SBSN: variants seen among roughly 807,000 people sequenced by gnomAD.
SBSN encodes the protein suprabasin.
A neutral mutation model predicts 42.8 loss-of-function variants in SBSN; 33 were observed. The ratio of observed to expected loss-of-function variants is 0.77; its 90% CI spans 0.58 to 1.03. The LOEUF is 1.03. Among genes scored for constraint, SBSN ranks in the 50% least tolerant of loss-of-function variants. SBSN has a pLI of 0.00. For missense variants in SBSN, 646 were observed against 757.3 expected, an observed-to-expected ratio of 0.85 and a Z score of 1.72; for synonymous variants, 276 against 307.0, an observed-to-expected ratio of 0.90 and a Z score of 1.06.
At chr19:35,523,574 C>T in intron 3 of SBSN, 41 bp from the exon 4 acceptor site, 2 of 1,609,090 alleles carry the variant, frequency 1.2e-6, no homozygotes, top group Non-Finnish European at 8.5e-7. Context: ...GTAGGGTCCA[C>T]AGTCATGACG....
Position 35,527,159 on chromosome 19 carries a change from C to T in SBSN, c.1123G>A (p.Gly375Arg), listed in dbSNP as rs1481510372. The part of the protein sequence containing the change: ...TEKLGHGVHH[G>R]VNEAWKEAEK... The stretch of plus-strand genomic sequence containing the variant: ...GCTTCCTTCCAGGCCTCATTAACCC[C>T]ATGGTGGACCCCATGGCCGAGCTTC... The change falls in exon 1 of 4, where the codon GGG becomes AGG. Residue 375 changes from glycine (G) to arginine (R), a missense_variant. Coordinates refer to ENST00000452271, the MANE Select transcript of SBSN (RefSeq NM_001166034.2). The T allele has an allele frequency of 6.5e-7, 1 of 1,536,338 alleles. No homozygotes were observed. Among genetic ancestry groups the T allele is most frequent in the African/African-American group, 1.4e-5 (1 of 72,936 alleles).
At chr19:35,524,680 G>C in intron 3 of SBSN, 31 bp downstream of exon 3, 1 of 1,612,874 alleles carries the variant, frequency 6.2e-7, no homozygotes, top group South Asian at 1.1e-5. Context: ...TCAGGACGCA[G>C]AGCAGAAAAG....
chr19:35,526,071 C>A (rs2071366617), intron 1 of SBSN, among the ~76,000 whole-genome samples: 1 of 152,202 alleles, frequency 6.6e-6, no homozygotes, highest in Non-Finnish European at 1.5e-5. Flanking sequence ...CCCTGGCCTG[C>A]CCTCTGCCAA....
intron 1 of SBSN, among the ~76,000 whole-genome samples, chr19:35,525,797 C>T (rs1374390491): frequency 6.6e-6 from 1 of 152,216 alleles, no homozygotes; most frequent in African/African-American, 2.4e-5. Context: ...ATTCTCCTGC[C>T]TCAGCCTTCT....
chr19:35,526,483 G>T (rs2071371304), intron 1 of SBSN, among the ~76,000 whole-genome samples, 161 bp downstream of exon 1: 1 of 152,160 alleles, frequency 6.6e-6, no homozygotes, highest in African/African-American at 2.4e-5. Context: ...CCTTTGTAAG[G>T]GAGATGGGGA....
Position 35,528,222 on chromosome 19 carries a change from A to T in SBSN, c.60T>A (p.Ser20=). 3 of 1,613,936 alleles carry T rather than the reference A, an allele frequency of 1.9e-6. No homozygotes were observed. Among genetic ancestry groups the T allele is most frequent in the East Asian group, 2.2e-5 (1 of 44,854 alleles). The change falls in exon 1 of 4, where the codon TCT becomes TCA. Residue 20 remains serine, a synonymous_variant. Coordinates refer to ENST00000452271, the MANE Select transcript of SBSN (RefSeq NM_001166034.2). The part of the protein sequence containing the change: ...CSLLLLLGAL[S]GWAASDDPIE... ...TGGGGTCATCGCTGGCCGCCCATCC[A>T]GACAGGGCCCCCAGTAGCAGAAGGA... is the stretch of plus-strand genomic sequence containing the variant.
At chr19:35,526,406 G>A (rs949244859) in intron 1 of SBSN, among the ~76,000 whole-genome samples, 6 of 152,066 alleles carry the variant, frequency 3.9e-5, no homozygotes, top group East Asian at 3.9e-4. Flanking sequence ...CAGGGTGCCC[G>A]CCACCCTGTC....
At chr19:35,525,692 A>T (rs1568672219) in intron 1 of SBSN, among the ~76,000 whole-genome samples, 2 of 151,152 alleles carry the variant, frequency 1.3e-5, no homozygotes, top group African/African-American at 4.9e-5. Flanking sequence ...TTTTATTATT[A>T]TTTTTTTTGA....
intron 1 of SBSN, among the ~76,000 whole-genome samples, chr19:35,526,419 A>T (rs2071370616): frequency 6.6e-6 from 1 of 152,084 alleles, no homozygotes. Context: ...ACCCTGTCTG[A>T]TACGTGCTTT....
chr19:35,525,481 G>A lies in SBSN; in HGVS notation c.1639-557C>T, dbSNP rs573814990. Among the ~76,000 whole-genome samples, 9 of 122,276 alleles carry A rather than the reference G, an allele frequency of 7.4e-5. No homozygotes were observed. In the South Asian group the frequency reaches 2.3e-3, roughly 32 times the overall value. 80.2% of individuals were successfully genotyped at this position (122,276 alleles called of 152,430 possible). ...TCCCCACCCACCCATCCCTGGCTCT[G>A]TCTGGCGGCAGATGTGGCTCTGGAC... On this transcript the variant is annotated intron_variant, in intron 1 of 3. Coordinates refer to ENST00000452271, the MANE Select transcript of SBSN (RefSeq NM_001166034.2).
Position 35,527,439 on chromosome 19 carries a change from C to T in SBSN, c.843G>A (p.Gly281=), listed in dbSNP as rs772778449. The T allele has an allele frequency of 6.3e-7, 1 of 1,583,322 alleles. No individual in the cohort carries two copies. Among genetic ancestry groups the T allele is most frequent in the East Asian group, 2.3e-5 (1 of 43,550 alleles). The change falls in exon 1 of 4, where the codon GGG becomes GGA. Residue 281 remains glycine (G), a synonymous_variant. Transcript: ENST00000452271. ...GWKETEKFGQ[G]VHHTAGQVGK... ...CAACCTGACCAGCAGTATGGTGGAC[C>T]CCCTGGCCAAACTTCTCTGTCTCCT...
chr19:35,525,861 T>A (rs1440969917), intron 1 of SBSN, among the ~76,000 whole-genome samples: 1 of 152,156 alleles, frequency 6.6e-6, no homozygotes, highest in Non-Finnish European at 1.5e-5. Context: ...TTTTGTATTT[T>A]TAGTAGAGAT....
intron 3 of SBSN, 88 bp downstream of exon 3, chr19:35,524,613 CCCGCCCGGGG>C: frequency 7.5e-7 from 1 of 1,342,050 alleles, no homozygotes; most frequent in Non-Finnish European, 1.1e-6. Context: ...TGCAGGTCTG[CCCGCCCGGGG>C]AGCTGTCCAA....
Position 35,526,921 on chromosome 19 carries a change from T to C in SBSN, c.1361A>G (p.Glu454Gly). ...VQPGVHEAGKEAGQFGQGVHH... is the reference protein window; with the variant it reads ...VQPGVHEAGKGAGQFGQGVHH... ...AACTCCCTGGCCAAACTGCCCTGCC[T>C]CCTTCCCGGCCTCGTGGACCCCAGG... Residue 454 changes from glutamate (E) to glycine (G), a missense_variant, in exon 1 of 4, where the codon GAG becomes GGG. Physicochemically the swap from Glu to Gly is moderately conservative, Grantham distance 98. Coordinates refer to ENST00000452271, the MANE Select transcript of SBSN (RefSeq NM_001166034.2). The C allele has an allele frequency of 6.2e-7, 1 of 1,604,384 alleles. No homozygotes were observed.
At position 35,527,197 on chromosome 19, in the gene SBSN, C is replaced by T. The variant is rs906540420; in HGVS notation, c.1085G>A (p.Gly362Glu). Reference protein sequence around the residue: ...QGVHHAASQFGKETEKLGHGV... With the variant: ...QGVHHAASQFEKETEKLGHGV... ...ATGGCCGAGCTTCTCTGTTTCCTTCCCAAACTGACTGGCAGCATGGTGGAC... is the reference window on the plus strand; with the variant it reads ...ATGGCCGAGCTTCTCTGTTTCCTTCTCAAACTGACTGGCAGCATGGTGGAC... The change falls in exon 1 of 4, where the codon GGG becomes GAG. Residue 362 changes from glycine (G) to glutamate (E), a missense_variant. Transcript: ENST00000452271. The T allele has an allele frequency of 9.1e-6, 14 of 1,535,840 alleles. No homozygotes were observed. In the African/African-American group the frequency reaches 1.6e-4, roughly 18 times the overall value.
intron 1 of SBSN, among the ~76,000 whole-genome samples, chr19:35,525,923 TC>T (rs1281706618): frequency 6.6e-6 from 1 of 152,178 alleles, no homozygotes; most frequent in East Asian, 1.9e-4. Flanking sequence ...GCTCAAGTGA[TC>T]CACCTGCCTC....
Position 35,528,192 on chromosome 19 carries a change from C to A in SBSN, c.90G>T (p.Glu30Asp). The A allele has an allele frequency of 6.2e-7, 1 of 1,614,102 alleles. No individual in the cohort carries two copies. The highest frequency in any genetic ancestry group is 8.5e-7 in the Non-Finnish European group (1 of 1,180,032). ...SGWAASDDPI[E>D]KVIEGINRGL... ...CTCGGTTGATCCCTTCAATGACCTT[C>A]TCAATGGGGTCATCGCTGGCCGCCC... The change falls in exon 1 of 4, where the codon GAG (glutamate) becomes GAT (aspartate). Residue 30 changes from glutamate (E) to aspartate (D), a missense_variant. Physicochemically the swap from Glu to Asp is conservative, Grantham distance 45. Around this residue, in one of 3 missense-constraint regions of SBSN, gnomAD observed 190 missense variants for 197.1 expected, o/e 0.96. Coordinates refer to ENST00000452271, the MANE Select transcript of SBSN (RefSeq NM_001166034.2).
chr19:35,523,473 C>A lies in SBSN; in HGVS notation c.*37G>T, dbSNP rs376848705. On this transcript the variant is annotated 3_prime_UTR_variant, in exon 4 of 4. Coordinates refer to ENST00000452271, the MANE Select transcript of SBSN (RefSeq NM_001166034.2). ...CAGGTCATGTCAGCTGATGTGACAA[C>A]GGCGACATTATTCTCCCAGCAAGGC... 8.1e-6 allele frequency: 13 copies of A among 1,611,050 alleles called. No homozygotes were observed. Among genetic ancestry groups the A allele is most frequent in the Non-Finnish European group, 1.1e-5 (13 of 1,177,500 alleles).
intron 1 of SBSN, among the ~76,000 whole-genome samples, chr19:35,525,950 T>G (rs1032512243): frequency 2.0e-5 from 3 of 152,212 alleles, no homozygotes; most frequent in African/African-American, 7.2e-5. Flanking sequence ...CCCAAAGTGC[T>G]GGGGTTAACA....
Sources: allele counts gnomAD v4.1 joint callset (sites outside exome capture counted in the v4.1 genomes callset), GRCh38; gene constraint gnomAD v4.1.1; regional missense constraint gnomAD v4.1.1; transcripts MANE v1.5; gene names NCBI Gene and HGNC (gene_info 2026-07-23, HGNC 2026-07-21).